TMEM178B: variants seen among roughly 807,000 people sequenced by gnomAD.
TMEM178B encodes transmembrane protein 178B.
In TMEM178B, 5 loss-of-function variants were observed where a neutral mutation model predicts 31.0. That is an observed-to-expected ratio of 0.16 (90% CI 0.08 to 0.34). The LOEUF is 0.34. Ranked by LOEUF, TMEM178B falls within the 10% of genes least tolerant of loss-of-function variation. TMEM178B has a pLI of 1.00. For synonymous variants in TMEM178B, 164 were observed against 164.0 expected, an observed-to-expected ratio of 1.00 and a Z score of 0.00; for missense variants, 275 against 400.3, an observed-to-expected ratio of 0.69 and a Z score of 2.67.
intron 2 of TMEM178B, among the ~76,000 whole-genome samples, chr7:141,384,435 A>G (rs2116593168): frequency 6.6e-6 from 1 of 152,328 alleles, no homozygotes; most frequent in East Asian, 1.9e-4. Context: ...CTTTCTACCT[A>G]TGGCTAGCCA....
At chr7:141,359,446 C>A (rs1303992204) in intron 2 of TMEM178B, among the ~76,000 whole-genome samples, 1 of 152,248 alleles carries the variant, frequency 6.6e-6, no homozygotes, top group African/African-American at 2.4e-5. Flanking sequence ...GTACTCCAAT[C>A]TCTCCTAATT....
intron 2 of TMEM178B, among the ~76,000 whole-genome samples, chr7:141,392,507 T>C (rs1218160309): frequency 1.3e-5 from 2 of 152,178 alleles, no homozygotes; most frequent in African/African-American, 4.8e-5. Context: ...TTCAGGACCC[T>C]TCATCCCTGC....
intron 2 of TMEM178B, among the ~76,000 whole-genome samples, chr7:141,313,360 C>G (rs1450536458): frequency 1.3e-5 from 2 of 152,122 alleles, no homozygotes; most frequent in Admixed American, 6.6e-5. Flanking sequence ...ACGGTTTGCT[C>G]TCACCCTCAT....
intron 2 of TMEM178B, among the ~76,000 whole-genome samples, chr7:141,420,056 C>G (rs1208622672): frequency 6.6e-6 from 1 of 152,192 alleles, no homozygotes; most frequent in Non-Finnish European, 1.5e-5. Flanking sequence ...CTCCCTTCCT[C>G]AGGTGTCTGC....
chr7:141,447,566 A>G (rs1261044027), intron 3 of TMEM178B, among the ~76,000 whole-genome samples: 1 of 152,088 alleles, frequency 6.6e-6, no homozygotes, highest in East Asian at 1.9e-4. Context: ...TCTGCTCTCT[A>G]TCTGTTTCAC....
chr7:141,335,701 A>G (rs1374981218), intron 2 of TMEM178B, among the ~76,000 whole-genome samples: 1 of 152,286 alleles, frequency 6.6e-6, no homozygotes, highest in East Asian at 1.9e-4. Flanking sequence ...TCTTGTTGGC[A>G]TCACAGATGT....
chr7:141,210,076 T>G (rs138072098), intron 1 of TMEM178B, among the ~76,000 whole-genome samples: 5 of 152,268 alleles, frequency 3.3e-5, no homozygotes, highest in African/African-American at 1.2e-4. Context: ...TAGAGGAGGC[T>G]CTCTGGTTAG....
chr7:141,147,914 A>G (rs1795881436), intron 1 of TMEM178B, among the ~76,000 whole-genome samples: 1 of 152,226 alleles, frequency 6.6e-6, no homozygotes, highest in Non-Finnish European at 1.5e-5. Context: ...CAAAGAGAAC[A>G]TGTACAGGGG....
intron 2 of TMEM178B, among the ~76,000 whole-genome samples, chr7:141,323,626 G>A (rs1465035789): frequency 6.6e-6 from 1 of 152,100 alleles, no homozygotes; most frequent in Admixed American, 6.6e-5. Context: ...GGAGTGCCAA[G>A]TACTGTATTT....
chr7:141,378,584 T>C (rs10248336), intron 2 of TMEM178B, among the ~76,000 whole-genome samples: 42,864 of 152,092 alleles, frequency 0.28, 6,565 homozygotes, highest in African/African-American at 0.39. Flanking sequence ...AGGGAGAGGC[T>C]CCTAAGCGAA....
At chr7:141,092,639 C>A (rs961045805) in intron 1 of TMEM178B, among the ~76,000 whole-genome samples, 1 of 152,054 alleles carries the variant, frequency 6.6e-6, no homozygotes, top group African/African-American at 2.4e-5. Flanking sequence ...ACTAAATAGG[C>A]AAAATCTTTT....
chr7:141,389,906 G>C (rs568904750), intron 2 of TMEM178B, among the ~76,000 whole-genome samples: 47 of 152,258 alleles, frequency 3.1e-4, no homozygotes, highest in African/African-American at 1.1e-3. Flanking sequence ...GTCTAGAAAA[G>C]GAGAATCTTT....
intron 2 of TMEM178B, among the ~76,000 whole-genome samples, chr7:141,325,505 G>A (rs930871480): frequency 6.6e-6 from 1 of 152,142 alleles, no homozygotes; most frequent in African/African-American, 2.4e-5. Context: ...CTTGACCTTA[G>A]GTGTGCCAAT....
intron 2 of TMEM178B, among the ~76,000 whole-genome samples, chr7:141,255,598 A>C (rs1158185457): frequency 6.6e-6 from 1 of 152,214 alleles, no homozygotes; most frequent in East Asian, 1.9e-4. Flanking sequence ...AAATAGAGTT[A>C]TAAAAATTAA....
At chr7:141,326,106 T>C (rs932080935) in intron 2 of TMEM178B, among the ~76,000 whole-genome samples, 9 of 152,216 alleles carry the variant, frequency 5.9e-5, no homozygotes, top group African/African-American at 2.2e-4. Context: ...ATTTATTGTC[T>C]ACCATGCATT....
chr7:141,142,536 T>C (rs1291943088), intron 1 of TMEM178B, among the ~76,000 whole-genome samples: 2 of 152,056 alleles, frequency 1.3e-5, no homozygotes, highest in Non-Finnish European at 2.9e-5. Context: ...GCCTCTCAAG[T>C]AGCTAGGACT....
intron 2 of TMEM178B, among the ~76,000 whole-genome samples, chr7:141,247,870 T>C (rs376979450): frequency 6.6e-6 from 1 of 152,108 alleles, no homozygotes; most frequent in Admixed American, 6.5e-5. Context: ...TTGAACTGAG[T>C]GGTCTTTTTA....
chr7:141,501,399 AT>A, the TMEM178B span, among the ~76,000 whole-genome samples: 1 of 151,868 alleles, frequency 6.6e-6, no homozygotes, highest in Non-Finnish European at 1.5e-5. Context: ...TTCTCTCCAC[AT>A]TTTATAGTCT....
rs555048442 is a variant in TMEM178B at position 141,121,696 on chromosome 7, G to A, written c.382+47004G>A. 9.2e-5 allele frequency among the ~76,000 whole-genome samples: 14 copies of A among 152,294 alleles called. No homozygotes were observed. The South Asian group carries it at 2.7e-3, about 29-fold the overall frequency. On this transcript the variant is annotated intron_variant, in intron 1 of 3. Transcript: ENST00000565468. ...AAATTAATTATGCCTCAGTTTGAAA[G>A]CACAAATCTCTGGGTAATGAGAGAT...
Sources: allele counts gnomAD v4.1 joint callset (sites outside exome capture counted in the v4.1 genomes callset), GRCh38; gene constraint gnomAD v4.1.1; transcripts MANE v1.5; gene names NCBI Gene and HGNC (gene_info 2026-07-23, HGNC 2026-07-21).